PEBP4: variants seen among roughly 807,000 people sequenced by gnomAD.
PEBP4 encodes the protein phosphatidylethanolamine-binding protein 4.
PEBP4 carries 22 observed loss-of-function variants against 23.9 expected under a neutral mutation model. The ratio of observed to expected loss-of-function variants is 0.92; its 90% CI spans 0.66 to 1.31. The LOEUF (loss-of-function observed/expected upper bound fraction) is 1.31. Among genes scored for constraint, PEBP4 ranks in the 40% most tolerant of loss-of-function variants. PEBP4 has a pLI of 0.00. For missense variants in PEBP4, 324 were observed against 281.7 expected, an observed-to-expected ratio of 1.15 and a Z score of -1.07; for synonymous variants, 112 against 99.3, an observed-to-expected ratio of 1.13 and a Z score of -0.76.
chr8:22,921,080 CG>C (rs1395692340), intron 2 of PEBP4, among the ~76,000 whole-genome samples: 6 of 152,222 alleles, frequency 3.9e-5, no homozygotes, highest in African/African-American at 1.4e-4. Context: ...CAGGGCAGGC[CG>C]GGCTGGGCCA....
upstream of PEBP4, among the ~76,000 whole-genome samples, chr8:22,928,400 G>T (rs1186243762): frequency 1.3e-5 from 2 of 152,216 alleles, no homozygotes; most frequent in Non-Finnish European, 2.9e-5. Flanking sequence ...GTGCGTCTGG[G>T]TGCACCTTGC....
intron 3 of PEBP4, among the ~76,000 whole-genome samples, chr8:22,857,110 C>A (rs577501203): frequency 7.4e-4 from 112 of 152,108 alleles, no homozygotes; most frequent in African/African-American, 2.6e-3. Context: ...GGAATTTATA[C>A]CAAGATATTA....
At chr8:22,760,156 T>A (rs1805477703) in intron 4 of PEBP4, among the ~76,000 whole-genome samples, 1 of 152,168 alleles carries the variant, frequency 6.6e-6, no homozygotes, top group Admixed American at 6.5e-5. Context: ...CATTGAATAC[T>A]TACAAACCTA....
At chr8:22,752,248 G>A (rs2128751906) in intron 4 of PEBP4, among the ~76,000 whole-genome samples, 1 of 152,242 alleles carries the variant, frequency 6.6e-6, no homozygotes, top group East Asian at 1.9e-4. Flanking sequence ...AGGCTTATCA[G>A]GAGATGGGTG....
intron 4 of PEBP4, among the ~76,000 whole-genome samples, chr8:22,786,982 G>A (rs1806041785): frequency 6.6e-6 from 1 of 151,968 alleles, no homozygotes; most frequent in African/African-American, 2.4e-5. Context: ...CACCATTCCT[G>A]GCTTATTAAA....
intron 4 of PEBP4, among the ~76,000 whole-genome samples, chr8:22,756,165 G>A (rs1010239454): frequency 6.6e-6 from 1 of 152,232 alleles, no homozygotes; most frequent in Non-Finnish European, 1.5e-5. Context: ...AGCCTTGCGA[G>A]GCTAGCGTGG....
intron 4 of PEBP4, among the ~76,000 whole-genome samples, chr8:22,816,511 A>C (rs1806742977): frequency 6.6e-6 from 1 of 152,230 alleles, no homozygotes; most frequent in Non-Finnish European, 1.5e-5. Context: ...TAGAAGGAAA[A>C]ACATAAACTC....
intron 4 of PEBP4, among the ~76,000 whole-genome samples, chr8:22,816,258 C>T (rs1422194248): frequency 1.3e-5 from 2 of 152,194 alleles, no homozygotes; most frequent in African/African-American, 2.4e-5. Flanking sequence ...GCACTGCCCA[C>T]GAAGCTGCTG....
At chr8:22,837,931 C>A (rs1355360745) in intron 3 of PEBP4, among the ~76,000 whole-genome samples, 1 of 106,528 alleles carries the variant, frequency 9.4e-6, no homozygotes, top group African/African-American at 3.8e-5. Flanking sequence ...CAGGGTCTTG[C>A]TCTGTTGCCC....
At chr8:22,874,040 G>A (rs548200241) in intron 3 of PEBP4, among the ~76,000 whole-genome samples, 7 of 152,106 alleles carry the variant, frequency 4.6e-5, no homozygotes, top group Non-Finnish European at 8.8e-5. Context: ...TCCAGGTCTC[G>A]ACATCTTGGT....
chr8:22,796,258 G>A (rs6987581), intron 4 of PEBP4, among the ~76,000 whole-genome samples: 1,211 of 10,920 alleles, frequency 0.11, 7 homozygotes, highest in African/African-American at 0.14. Context: ...TCAAGTGTGC[G>A]TGTGTGTGTG....
chr8:22,824,382 C>A (rs1806923878), intron 3 of PEBP4, among the ~76,000 whole-genome samples: 1 of 152,086 alleles, frequency 6.6e-6, no homozygotes, highest in Admixed American at 6.5e-5. Flanking sequence ...CCCTGATGTT[C>A]CCCGTGGCCC....
At chr8:22,823,141 A>C (rs1806894940) in intron 3 of PEBP4, among the ~76,000 whole-genome samples, 1 of 152,020 alleles carries the variant, frequency 6.6e-6, no homozygotes, top group African/African-American at 2.4e-5. Context: ...AAATCCAGAG[A>C]GAAAGTTGAG....
intron 3 of PEBP4, among the ~76,000 whole-genome samples, chr8:22,904,775 G>C (rs933323328): frequency 2.0e-5 from 3 of 152,164 alleles, no homozygotes; most frequent in African/African-American, 7.2e-5. Context: ...AATATATTGT[G>C]AGATCTTCCA....
Position 22,748,953 on chromosome 8 carries a change from T to A in PEBP4, c.358-21733A>T, listed in dbSNP as rs113442802. Among the ~76,000 whole-genome samples the A allele has an allele frequency of 5.4e-3, 824 of 152,170 alleles. 9 individuals are homozygous for A. Among genetic ancestry groups the A allele is most frequent in the African/African-American group, 0.019 (769 of 41,504 alleles). ...CTGCAGAGAGGCCTCACCACATCAA[T>A]GCTTTTTGCTCTGTGTACCCAGATG... On this transcript the variant is annotated intron_variant, in intron 4 of 6. Coordinates refer to ENST00000256404, the MANE Select transcript of PEBP4 (RefSeq NM_144962.3).
intron 4 of PEBP4, among the ~76,000 whole-genome samples, chr8:22,811,501 T>C (rs566245073): frequency 6.6e-6 from 1 of 152,312 alleles, no homozygotes; most frequent in Non-Finnish European, 1.5e-5. Context: ...CTGTGAGTGA[T>C]AAGGAGATGG....
intron 3 of PEBP4, among the ~76,000 whole-genome samples, chr8:22,853,532 T>C (rs187512950): frequency 6.6e-6 from 1 of 152,354 alleles, no homozygotes; most frequent in Admixed American, 6.5e-5. Flanking sequence ...ACCCTTCTTT[T>C]CAGAGAGAGG....
intron 4 of PEBP4, among the ~76,000 whole-genome samples, chr8:22,762,651 G>A (rs1236704192): frequency 6.6e-6 from 1 of 152,180 alleles, no homozygotes; most frequent in Admixed American, 6.5e-5. Flanking sequence ...GAGACTGCAA[G>A]TCTCCGAGAG....
chr8:22,783,449 C>T (rs1321450263), intron 4 of PEBP4, among the ~76,000 whole-genome samples: 3 of 152,210 alleles, frequency 2.0e-5, no homozygotes, highest in African/African-American at 7.2e-5. Context: ...GGGTGACGCC[C>T]TCCAAAGGCA....
Sources: gnomAD v4.1 joint callset for allele counts (sites outside exome capture counted in the v4.1 genomes callset) on GRCh38, gnomAD v4.1.1 for gene constraint, MANE v1.5 for transcripts, NCBI Gene and HGNC (gene_info 2026-07-23, HGNC 2026-07-21) for gene names.